The following THSD4 variants were observed in gnomAD, a reference collection of about 807,000 sequenced individuals.
THSD4 encodes thrombospondin type 1 domain containing 4.
Under a neutral mutation model 119.0 loss-of-function variants are expected in THSD4, and 69 were observed. The observed-to-expected ratio is 0.58, with a 90% CI of 0.48 to 0.71. The LOEUF is 0.71. Ranked by LOEUF, THSD4 falls within the 30% of genes least tolerant of loss-of-function variation. The pLI, the probability that THSD4 is intolerant of heterozygous loss-of-function variation, is 0.00. For missense variants in THSD4, 1,393 were observed against 1,391.1 expected (o/e 1.00, Z -0.02); for synonymous variants, 524 against 540.4 (o/e 0.97, Z 0.42).
chr15:71,215,501 G>A (rs1196904605), intron 4 of THSD4, 102 bp downstream of exon 4: 2 of 1,199,498 alleles, frequency 1.7e-6, no homozygotes, highest in African/African-American at 1.6e-5. Context: ...CAGACAGTGC[G>A]ACTAATGCAT....
At chr15:71,121,709 CCTTGCTAG>C (rs2040410619) in intron 1 of THSD4, among the ~76,000 whole-genome samples, 1 of 152,134 alleles carries the variant, frequency 6.6e-6, no homozygotes, top group Admixed American at 6.5e-5. Context: ...TGGCTCTGCT[CCTTGCTAG>C]CTTTGTTGTG....
At chr15:71,323,536 G>T (rs1441680904) in intron 6 of THSD4, among the ~76,000 whole-genome samples, 2 of 152,174 alleles carry the variant, frequency 1.3e-5, no homozygotes, top group Admixed American at 6.5e-5. Flanking sequence ...GCTGCAGGGG[G>T]GTTTGGGTTC....
At position 71,757,970 on chromosome 15, in the gene THSD4, C is replaced by T; in HGVS notation, c.2484C>T (p.Ser828=). 2 of 1,614,140 alleles carry T rather than the reference C, an allele frequency of 1.2e-6. No individual in the cohort carries two copies. The highest frequency in any genetic ancestry group is 1.3e-5 in the African/African-American group (1 of 75,062). The change falls in exon 15 of 18, where the codon AGC becomes AGT. Residue 828 remains serine (S), a synonymous_variant. Transcript: ENST00000261862. ...TGTGCATGACCAACCATGTCAGCAG[C>T]CTGCCCCTGGAGGGCTGTGGGAACA... ...SVVCMTNHVS[S]LPLEGCGNNR...
intron 6 of THSD4, among the ~76,000 whole-genome samples, chr15:71,350,548 T>G (rs2140404736): frequency 6.6e-6 from 1 of 152,330 alleles, no homozygotes; most frequent in Middle Eastern, 3.4e-3. Flanking sequence ...TGACTATTTT[T>G]TGACTTGAAT....
chr15:71,290,279 G>T (rs758272709), intron 6 of THSD4, among the ~76,000 whole-genome samples: 2 of 152,168 alleles, frequency 1.3e-5, no homozygotes, highest in Non-Finnish European at 2.9e-5. Flanking sequence ...TCTCCTGGAG[G>T]TTCTGCGAGC....
intron 7 of THSD4, among the ~76,000 whole-genome samples, chr15:71,659,397 A>T (rs116286858): frequency 1.3e-5 from 2 of 152,166 alleles, no homozygotes; most frequent in Non-Finnish European, 2.9e-5. Flanking sequence ...TTTTGTGAAG[A>T]TCATTCCATT....
intron 7 of THSD4, among the ~76,000 whole-genome samples, chr15:71,566,110 A>G (rs2049231242): frequency 6.6e-6 from 1 of 150,844 alleles, no homozygotes; most frequent in Non-Finnish European, 1.5e-5. Flanking sequence ...AAAAATAATG[A>G]CTAAACCATT....
intron 3 of THSD4, among the ~76,000 whole-genome samples, chr15:71,208,314 T>G (rs948731969): frequency 1.3e-5 from 2 of 152,096 alleles, no homozygotes; most frequent in Middle Eastern, 3.2e-3. Flanking sequence ...AACACTTCCA[T>G]AGAGCCGATC....
intron 1 of THSD4, among the ~76,000 whole-genome samples, chr15:71,126,270 A>T (rs1037343101): frequency 1.3e-5 from 2 of 152,160 alleles, no homozygotes; most frequent in Non-Finnish European, 2.9e-5. Flanking sequence ...AGCACAGGCC[A>T]CAGGAGGCTC....
intron 2 of THSD4, among the ~76,000 whole-genome samples, chr15:71,143,208 A>C (rs569050564): frequency 1.3e-5 from 2 of 152,282 alleles, no homozygotes; most frequent in South Asian, 4.1e-4. Flanking sequence ...GGACAGCCCA[A>C]ATTAACGTTT....
chr15:71,489,130 A>G (rs1333378086), intron 7 of THSD4, among the ~76,000 whole-genome samples: 1 of 152,200 alleles, frequency 6.6e-6, no homozygotes, highest in East Asian at 1.9e-4. Flanking sequence ...GTTCCTGAAT[A>G]TTAAAAATTA....
chr15:71,508,850 T>C (rs1053919878), intron 7 of THSD4, among the ~76,000 whole-genome samples: 2 of 152,140 alleles, frequency 1.3e-5, no homozygotes, highest in African/African-American at 4.8e-5. Context: ...CCTAAAATTT[T>C]ACAACTGCTT....
chr15:71,533,346 A>G lies in THSD4; in HGVS notation c.1152+121523A>G, dbSNP rs147906393. Among the ~76,000 whole-genome samples, 9 of 152,322 alleles carry G rather than the reference A, an allele frequency of 5.9e-5. No individual in the cohort carries two copies. The East Asian group carries it at 1.7e-3, about 29-fold the overall frequency. On this transcript the variant is annotated intron_variant, in intron 7 of 17. Coordinates refer to ENST00000261862, the MANE Select transcript of THSD4 (RefSeq NM_024817.3). ...CCTTCTGATCACTTTTTCTGTGTGT[A>G]ATGAAAATGGTTTCATCCTCGAAAT...
chr15:71,698,772 T>C (rs1399484182), intron 8 of THSD4, among the ~76,000 whole-genome samples: 1 of 151,814 alleles, frequency 6.6e-6, no homozygotes, highest in Non-Finnish European at 1.5e-5. Context: ...TGTGACAACA[T>C]GGGTGAACCT....
chr15:71,401,588 A>T (rs1010982092), intron 6 of THSD4, among the ~76,000 whole-genome samples: 2 of 152,148 alleles, frequency 1.3e-5, no homozygotes, highest in African/African-American at 4.8e-5. Flanking sequence ...GAAAATGAAG[A>T]TCTTCATGAA....
chr15:71,112,313 G>A, upstream of THSD4: 1 of 1,334,140 alleles, frequency 7.5e-7, no homozygotes, highest in Non-Finnish European at 1.0e-6. Flanking sequence ...AGAGAATGAA[G>A]GGGGGTACTA....
intron 7 of THSD4, among the ~76,000 whole-genome samples, chr15:71,521,815 A>C (rs998617176): frequency 3.3e-5 from 5 of 152,202 alleles, no homozygotes; most frequent in African/African-American, 1.2e-4. Context: ...ATCATTTTAC[A>C]AATGCATATT....
intron 5 of THSD4, among the ~76,000 whole-genome samples, chr15:71,255,229 A>G (rs906278380): frequency 1.3e-5 from 2 of 152,122 alleles, no homozygotes; most frequent in Non-Finnish European, 2.9e-5. Context: ...TTATTCACAC[A>G]CACACACACA....
intron 6 of THSD4, among the ~76,000 whole-genome samples, chr15:71,345,480 A>G (rs921470752): frequency 6.6e-5 from 10 of 152,296 alleles, no homozygotes; most frequent in African/African-American, 1.2e-4. Context: ...ACTTAAACCA[A>G]TTGGATTTGG....
Sources: gnomAD v4.1 joint callset for allele counts (sites outside exome capture counted in the v4.1 genomes callset) on GRCh38, gnomAD v4.1.1 for gene constraint, MANE v1.5 for transcripts, NCBI Gene and HGNC (gene_info 2026-07-23, HGNC 2026-07-21) for gene names.